The following KIFC2 variants were observed in gnomAD, a reference collection of about 807,000 sequenced individuals.
KIFC2 encodes the protein kinesin family member C2.
A neutral mutation model predicts 91.5 loss-of-function variants in KIFC2; 94 were observed. The ratio of observed to expected loss-of-function variants is 1.03; its 90% CI spans 0.87 to 1.22. The LOEUF (loss-of-function observed/expected upper bound fraction) is 1.22. Ranked by LOEUF, KIFC2 falls within the 50% of genes most tolerant of loss-of-function variation. KIFC2 has a pLI of 0.00. For synonymous variants in KIFC2, 729 were observed against 503.9 expected (o/e 1.45, Z -5.98); for missense variants, 1,357 against 1,103.3 (o/e 1.23, Z -3.26).
At chr8:144,469,922 C>A (rs1443870850) in intron 12 of KIFC2, among the ~76,000 whole-genome samples, 1 of 152,242 alleles carries the variant, frequency 6.6e-6, no homozygotes, top group African/African-American at 2.4e-5. Context: ...GCTTTATGGC[C>A]CCAAGGCAGG....
Position 144,472,857 on chromosome 8 carries a change from C to A in KIFC2, c.1924C>A (p.Pro642Thr). The A allele has an allele frequency of 6.5e-7, 1 of 1,547,390 alleles. No homozygotes were observed. The highest frequency in any genetic ancestry group is 2.4e-5 in the East Asian group (1 of 41,056). The part of the protein sequence containing the change: ...ERARKAGAAG[P>T]PRGDPDGARR... ...CGCACGGAAGGCAGGGGCGGCCGGC[C>A]CGCCGCGGGGAGACCCAGACGGCGC... Residue 642 changes from proline to threonine, a missense_variant, in exon 17 of 18, where the codon CCG becomes ACG. Coordinates refer to ENST00000645548, the MANE Select transcript of KIFC2 (RefSeq NM_001369769.2).
At chr8:144,467,404 G>C in intron 4 of KIFC2, 63 bp downstream of exon 4, 1 of 1,545,778 alleles carries the variant, frequency 6.5e-7, no homozygotes. Flanking sequence ...TAGAACCTGG[G>C]CGGCCTGGAG....
At position 144,472,618 on chromosome 8, in the gene KIFC2, C is replaced by T. The variant is rs1353087928; in HGVS notation, c.1773C>T (p.Thr591=). 3 of 1,605,532 alleles carry T rather than the reference C, an allele frequency of 1.9e-6. No individual in the cohort carries two copies. The highest frequency in any genetic ancestry group is 8.5e-7 in the Non-Finnish European group (1 of 1,179,748). ...LGRSNRATAA[T]AMNQRSSRSH... is the part of the protein sequence containing the mutation. Reference sequence around the variant, plus strand: ...GGAGCAACCGGGCCACCGCCGCCACCGCCATGAACCAGCGCAGCTCCCGCT... The same window carrying T: ...GGAGCAACCGGGCCACCGCCGCCACTGCCATGAACCAGCGCAGCTCCCGCT... The change falls in exon 16 of 18, where the codon ACC becomes ACT. Residue 591 remains threonine, a synonymous_variant. Coordinates refer to ENST00000645548, the MANE Select transcript of KIFC2 (RefSeq NM_001369769.2).
At chr8:144,469,156 T>C (rs1824821381) in intron 10 of KIFC2, 115 bp from the exon 11 acceptor site, 6 of 854,290 alleles carry the variant, frequency 7.0e-6, no homozygotes, top group African/African-American at 1.7e-5. Flanking sequence ...AGTTGTGGCT[T>C]AGCACAGCTG....
chr8:144,469,265 C>T lies in KIFC2; in HGVS notation c.1114-6C>T, dbSNP rs768014083. On this transcript the variant is annotated splice_region_variant and splice_polypyrimidine_tract_variant and intron_variant, in intron 10 of 17. Transcript: ENST00000645548. ...CCTTGCCTTCTGTACATCCCTGTTC[C>T]CTCAGGTGTCCTGGGCCTTGGGGGC... 6.0e-5 allele frequency: 95 copies of T among 1,585,488 alleles called. 1 individual carries two copies. The highest frequency in any genetic ancestry group is 1.5e-4 in the South Asian group (13 of 87,052).
rs755948874 is a variant in KIFC2, at chr8:144,467,714, C to T, written c.616C>T (p.Leu206=). The T allele has an allele frequency of 1.7e-5, 28 of 1,613,690 alleles. No homozygotes were observed. The highest frequency in any genetic ancestry group is 1.2e-4 in the Admixed American group (7 of 59,976). Residue 206 remains leucine, a splice_region_variant and synonymous_variant, in exon 6 of 18, where the codon CTG becomes TTG. Coordinates refer to ENST00000645548, the MANE Select transcript of KIFC2 (RefSeq NM_001369769.2). ...CCCTGTCTCTCTTACTTCTCCCCAG[C>T]TGGAGGAGCTGAAGCAGCAGCTGGA... ...QRLEQLILGQ[L]EELKQQLEQQ... is the part of the protein sequence containing the mutation.
chr8:144,471,477 A>AT (rs766485709), intron 12 of KIFC2, among the ~76,000 whole-genome samples: 2 of 151,890 alleles, frequency 1.3e-5, no homozygotes, highest in Non-Finnish European at 2.9e-5. Flanking sequence ...TGCCTGGCTA[A>AT]TTTTTTTGTA....
Position 144,468,751 on chromosome 8 carries a change from C to T in KIFC2, c.1030C>T (p.Arg344Cys), listed in dbSNP as rs776209006. The change falls in exon 10 of 18, where the codon CGT (arginine) becomes TGT (cysteine). Residue 344 changes from arginine to cysteine, a missense_variant. Coordinates refer to ENST00000645548, the MANE Select transcript of KIFC2 (RefSeq NM_001369769.2). Reference sequence around the variant, plus strand: ...ACTTCGGGCACGGATGGCCAGCCTGCGTCAGGGCTGCGGGGACCTCCGAGG... The same window carrying T: ...ACTTCGGGCACGGATGGCCAGCCTGTGTCAGGGCTGCGGGGACCTCCGAGG... Reference protein sequence around the residue: ...AGLRARMASLRQGCGDLRGLV... With the variant: ...AGLRARMASLCQGCGDLRGLV... The T allele has an allele frequency of 1.4e-5, 22 of 1,613,916 alleles. No individual in the cohort carries two copies. The highest frequency in any genetic ancestry group is 1.7e-5 in the Non-Finnish European group (20 of 1,180,012).
intron 9 of KIFC2, 31 bp downstream of exon 9, chr8:144,468,681 C>T (rs1403117292): frequency 2.5e-6 from 4 of 1,612,940 alleles, no homozygotes; most frequent in Non-Finnish European, 3.4e-6. Context: ...TCATGGGAGG[C>T]CCTGGAGGCT....
chr8:144,468,258 C>T (rs1018349035), intron 7 of KIFC2, 71 bp from the exon 8 acceptor site: 21 of 1,406,602 alleles, frequency 1.5e-5, no homozygotes, highest in East Asian at 1.2e-4. Context: ...CTTGACTTGA[C>T]TTTCCCATCT....
chr8:144,473,761 T>G lies in KIFC2; in HGVS notation c.*372T>G. ...AACGTTGCAAATTCCTTTACTGTTATCCCCCCCACCACCAGGACCATGTAG... is the reference window on the plus strand; with the variant it reads ...AACGTTGCAAATTCCTTTACTGTTAGCCCCCCCACCACCAGGACCATGTAG... On this transcript the variant is annotated 3_prime_UTR_variant, in exon 18 of 18. Coordinates refer to ENST00000645548, the MANE Select transcript of KIFC2 (RefSeq NM_001369769.2). The G allele has an allele frequency of 2.7e-6, 1 of 373,466 alleles. No homozygotes were observed. The allele number at this position is 373,466 out of a possible 1,614,324, so 23.1% of individuals were successfully genotyped here.
chr8:144,471,872 C>A, intron 12 of KIFC2, 70 bp from the exon 13 acceptor site: 1 of 1,410,458 alleles, frequency 7.1e-7, no homozygotes, highest in Non-Finnish European at 1.0e-6. Flanking sequence ...TGGCACTCCC[C>A]ACCCCACCAA....
chr8:144,467,371 A>G (rs1167448164), intron 4 of KIFC2, 30 bp downstream of exon 4: 1 of 1,568,604 alleles, frequency 6.4e-7, no homozygotes, highest in Non-Finnish European at 8.6e-7. Context: ...TTGAAGAAGA[A>G]CTCTGGAGGG....
intron 8 of KIFC2, 52 bp from the exon 9 acceptor site, chr8:144,468,484 G>A: frequency 6.5e-7 from 1 of 1,543,568 alleles, no homozygotes; most frequent in Non-Finnish European, 8.8e-7. Context: ...CTGAGGCAGG[G>A]CCTGGTAAGT....
In KIFC2 at chr8:144,467,890, A is replaced by G. The variant is rs372353241; in HGVS notation, c.713A>G (p.His238Arg). The change falls in exon 7 of 18, where the codon CAT (histidine) becomes CGT (arginine). Residue 238 changes from histidine (H) to arginine (R), a missense_variant. His to Arg is a conservative substitution (Grantham distance 29). Coordinates refer to ENST00000645548, the MANE Select transcript of KIFC2 (RefSeq NM_001369769.2). The stretch of plus-strand genomic sequence containing the variant: ...ACGGACTCAGAGAAAAGGGTTCAGC[A>G]TCTGACTCTGGAGAACGAGGCCCTG... The part of the protein sequence containing the change: ...GATDSEKRVQ[H>R]LTLENEALKQ... 3.1e-6 allele frequency: 5 copies of G among 1,613,268 alleles called. No homozygotes were observed. Among genetic ancestry groups the G allele is most frequent in the East Asian group, 2.2e-5 (1 of 44,882 alleles).
chr8:144,470,555 G>A (rs1586722993), intron 12 of KIFC2: 1 of 152,266 alleles, frequency 6.6e-6, no homozygotes, highest in South Asian at 2.1e-4. Context: ...CAGAATTCTA[G>A]ATTCTAGCCT....
Position 144,472,955 on chromosome 8 carries a change from G to C in KIFC2, c.2022G>C (p.Arg674=). 1 of 1,467,828 alleles carries C rather than the reference G, an allele frequency of 6.8e-7. No individual in the cohort carries two copies. The highest frequency in any genetic ancestry group is 1.3e-5 in the South Asian group (1 of 75,352). 90.9% of individuals were successfully genotyped at this position (1,467,828 alleles called of 1,614,324 possible). The change falls in exon 17 of 18, where the codon CGG becomes CGC. Residue 674 remains arginine (R), a synonymous_variant. Transcript: ENST00000645548. ...LALGGVMAAL[R]AHRPHVPFRD... The stretch of plus-strand genomic sequence containing the variant: ...TAGGAGGCGTGATGGCCGCACTGCG[G>C]GCCCACCGGCCGCACGTGCCCTTCC...
At chr8:144,468,957 T>C in intron 10 of KIFC2, 123 bp downstream of exon 10, 1 of 751,580 alleles carries the variant, frequency 1.3e-6, no homozygotes, top group African/African-American at 1.8e-5. Context: ...AAACAGCTTC[T>C]GTGTGACCCA....
Position 144,469,504 on chromosome 8 carries a change from CTG to C in KIFC2, c.1241_1242del (p.Cys414SerfsTer9). On this transcript the variant is annotated frameshift_variant, in exon 12 of 18. Transcript: ENST00000645548. LOFTEE classifies it high-confidence loss of function. ...LPELKGNIRV[L>X]CRLRPGTSSS... is the part of the protein sequence containing the mutation. Reference sequence around the variant, plus strand: ...CCCCACTGCAGGAAATATCCGTGTGCTGTGTCGGCTGAGGCCAGGGACATCTT... The same window carrying C: ...CCCCACTGCAGGAAATATCCGTGTGCTGTCGGCTGAGGCCAGGGACATCTT... The C allele has an allele frequency of 1.2e-6, 2 of 1,614,024 alleles. No individual in the cohort carries two copies. The highest frequency in any genetic ancestry group is 1.7e-5 in the Admixed American group (1 of 60,022).
Sources: gnomAD v4.1 joint callset for allele counts (sites outside exome capture counted in the v4.1 genomes callset) on GRCh38, gnomAD v4.1.1 for gene constraint, MANE v1.5 for transcripts, NCBI Gene and HGNC (gene_info 2026-07-23, HGNC 2026-07-21) for gene names.